The following FRMPD1 variants were observed in gnomAD, a reference collection of about 807,000 sequenced individuals.
FRMPD1 encodes FERM and PDZ domain-containing protein 1.
In FRMPD1, 76 loss-of-function variants were observed where a neutral mutation model predicts 117.8. The ratio of observed to expected loss-of-function variants is 0.65; its 90% confidence interval spans 0.54 to 0.78. The LOEUF (loss-of-function observed/expected upper bound fraction) is 0.78, where lower values mean the gene tolerates loss of function less well. Among genes scored for constraint, FRMPD1 ranks in the 30% least tolerant of loss-of-function variants. FRMPD1 has a pLI of 0.00. For synonymous variants in FRMPD1, 783 were observed against 770.4 expected (o/e 1.02, Z -0.27); for missense variants, 1,786 against 1,964.5 (o/e 0.91, Z 1.72).
Position 37,740,616 on chromosome 9 carries a change from C to T in FRMPD1, c.2088C>T (p.Pro696=), listed in dbSNP as rs767897267. ...APELSTVRLD[P]RLYEGSHADY... ...AACTGAGCACAGTCAGGCTGGACCCCAGGCTGTATGAAGGCAGCCACGCTG... is the reference window on the plus strand; with the variant it reads ...AACTGAGCACAGTCAGGCTGGACCCTAGGCTGTATGAAGGCAGCCACGCTG... The change falls in exon 15 of 16, where the codon CCC becomes CCT. Residue 696 remains proline (P), a synonymous_variant. Coordinates refer to ENST00000377765, the MANE Select transcript of FRMPD1 (RefSeq NM_014907.3). The surrounding 1 kb of genome is among the most constrained non-coding windows in gnomAD (Gnocchi z 4.2). 1 of 1,614,178 alleles carries T rather than the reference C, an allele frequency of 6.2e-7. No individual in the cohort carries two copies. The highest frequency in any genetic ancestry group is 1.7e-5 in the Admixed American group (1 of 60,028).
chr9:37,665,796 G>A (rs958498046), intron 1 of FRMPD1, among the ~76,000 whole-genome samples: 6 of 152,136 alleles, frequency 3.9e-5, no homozygotes, highest in African/African-American at 1.4e-4. Context: ...ACGTTGGGGT[G>A]GTCAGAAACC....
chr9:37,678,329 C>T lies in FRMPD1; in HGVS notation c.-4-14309C>T, dbSNP rs530292008. Among the ~76,000 whole-genome samples, 21 of 138,542 alleles carry T rather than the reference C, an allele frequency of 1.5e-4. No individual in the cohort carries two copies. In the South Asian group the frequency reaches 3.8e-3, roughly 25 times the overall value. 90.9% of individuals were successfully genotyped at this position (138,542 alleles called of 152,430 possible). On this transcript the variant is annotated intron_variant, in intron 1 of 15. Coordinates refer to ENST00000377765, the MANE Select transcript of FRMPD1 (RefSeq NM_014907.3). ...AGGCTGGAGTGCAGTGGTGCAATCT[C>T]GGCTCACTGCAACCTCCACCTCCCA...
chr9:37,696,051 C>CTTTTTTTTTTT (rs61521469), intron 2 of FRMPD1, among the ~76,000 whole-genome samples: 15 of 78,098 alleles, frequency 1.9e-4, no homozygotes, highest in East Asian at 3.4e-4. Context: ...CATTGTTTTG[C>CTTTTTTTTTTT]TTTTTTTTTT....
the FRMPD1 span, chr9:37,636,639 G>A: frequency 7.5e-7 from 1 of 1,336,826 alleles, no homozygotes; most frequent in East Asian, 2.4e-5. Flanking sequence ...CCCCTCCAGG[G>A]ACATCATTTG....
chr9:37,612,379 C>T, the FRMPD1 span, among the ~76,000 whole-genome samples: 1 of 152,038 alleles, frequency 6.6e-6, no homozygotes. Flanking sequence ...GACGGAGTCT[C>T]GATCTATTGC....
At chr9:37,707,162 G>T in intron 2 of FRMPD1, among the ~76,000 whole-genome samples, 1 of 152,266 alleles carries the variant, frequency 6.6e-6, no homozygotes, top group Middle Eastern at 3.4e-3. Flanking sequence ...CCCCTTCTCT[G>T]TGTGTCCATA....
At position 37,746,313 on chromosome 9, in the gene FRMPD1, G is replaced by A; in HGVS notation, c.4281G>A (p.Glu1427=). The part of the protein sequence containing the change: ...STPEGFIQLM[E]SLLELQDILE... ...CTGAGGGCTTCATCCAACTCATGGA[G>A]AGCTTGCTGGAGCTACAAGACATTT... Residue 1427 remains glutamate (E), a synonymous_variant, in exon 16 of 16, where the codon GAG becomes GAA. Transcript: ENST00000377765. 1 of 1,612,774 alleles carries A rather than the reference G, an allele frequency of 6.2e-7. No homozygotes were observed. Among genetic ancestry groups the A allele is most frequent in the Non-Finnish European group, 8.5e-7 (1 of 1,179,788 alleles).
At chr9:37,743,901 A>C (rs1419643716) in intron 15 of FRMPD1, among the ~76,000 whole-genome samples, 1 of 144,428 alleles carries the variant, frequency 6.9e-6, no homozygotes. Context: ...TCTCAAAAAA[A>C]AAGAAAAAAA....
At chr9:37,702,214 T>C (rs1332072980) in intron 2 of FRMPD1, among the ~76,000 whole-genome samples, 1 of 152,210 alleles carries the variant, frequency 6.6e-6, no homozygotes, top group Non-Finnish European at 1.5e-5. Context: ...CTAATTATAT[T>C]AGAGGTACAA....
intron 2 of FRMPD1, among the ~76,000 whole-genome samples, chr9:37,701,510 CGT>C (rs58458625): frequency 0.25 from 37,143 of 146,580 alleles, 4,998 homozygotes; most frequent in East Asian, 0.39. Context: ...TGTGCATGTA[CGT>C]GTGTGTGTGT....
At chr9:37,635,625 A>AG in the FRMPD1 span, among the ~76,000 whole-genome samples, 1 of 152,334 alleles carries the variant, frequency 6.6e-6, no homozygotes, top group East Asian at 1.9e-4. Flanking sequence ...GCTGGAGGGC[A>AG]GGGCACAGGT....
chr9:37,696,656 A>G (rs1822335210), intron 2 of FRMPD1, among the ~76,000 whole-genome samples: 1 of 152,274 alleles, frequency 6.6e-6, no homozygotes, highest in South Asian at 2.1e-4. Context: ...GCATTTGAAT[A>G]CTAACATTAG....
the FRMPD1 span, among the ~76,000 whole-genome samples, chr9:37,605,824 C>T: frequency 6.6e-6 from 1 of 151,988 alleles, no homozygotes; most frequent in African/African-American, 2.4e-5. Context: ...AAGGGATCCT[C>T]CCACCTCAGC....
At chr9:37,730,899 C>T (rs1298684320) in intron 8 of FRMPD1, 85 bp from the exon 9 acceptor site, 5 of 1,355,724 alleles carry the variant, frequency 3.7e-6, no homozygotes, top group Admixed American at 1.7e-5. Context: ...CTTTCACTGT[C>T]TGTGTTTTAT....
chr9:37,607,443 A>C, the FRMPD1 span, among the ~76,000 whole-genome samples: 1 of 151,656 alleles, frequency 6.6e-6, no homozygotes, highest in African/African-American at 2.4e-5. Context: ...TTTAAGGAAA[A>C]AAAACAAGGA....
In FRMPD1 at chr9:37,713,199, A is replaced by G. The variant is rs527330833; in HGVS notation, c.408+1804A>G. Among the ~76,000 whole-genome samples the G allele has an allele frequency of 1.0e-3, 156 of 152,362 alleles. 1 individual carries two copies. Among genetic ancestry groups the G allele is most frequent in the African/African-American group, 3.6e-3 (151 of 41,586 alleles). ...AAAAAGGATAATGAGGATGGCCTTG[A>G]TAGGCAGGTTTAAAAACGAACAAAG... On this transcript the variant is annotated intron_variant, in intron 5 of 15. Transcript: ENST00000377765.
At chr9:37,718,731 T>C (rs913516259) in intron 5 of FRMPD1, among the ~76,000 whole-genome samples, 1 of 152,202 alleles carries the variant, frequency 6.6e-6, no homozygotes, top group Non-Finnish European at 1.5e-5. Flanking sequence ...TCATAAGAAT[T>C]TGAGTTTGAG....
intron 1 of FRMPD1, among the ~76,000 whole-genome samples, chr9:37,652,440 G>T (rs1268082073): frequency 6.6e-6 from 1 of 152,194 alleles, no homozygotes; most frequent in Non-Finnish European, 1.5e-5. Context: ...CCCTTGTGCT[G>T]CAATTAGTGG....
At position 37,692,723 on chromosome 9, in the gene FRMPD1, T is replaced by G. The variant is rs1438875459; in HGVS notation, c.82T>G (p.Ser28Ala). ...AATGGTGGCAAGATGGCTTCGGCGC[T>G]CCCGGGACAGCTCGGCCCGGTAAGC... ...EQMVARWLRRSRDSSARAKVA... is the reference protein window; with the variant it reads ...EQMVARWLRRARDSSARAKVA... Residue 28 changes from serine (S) to alanine (A), a missense_variant, in exon 2 of 16, where the codon TCC (serine) becomes GCC (alanine). By Grantham distance (99) the Ser-to-Ala change is moderately conservative. Transcript: ENST00000377765. The G allele has an allele frequency of 6.2e-7, 1 of 1,613,458 alleles. No individual in the cohort carries two copies. Among genetic ancestry groups the G allele is most frequent in the African/African-American group, 1.3e-5 (1 of 74,884 alleles).
Sources: allele counts gnomAD v4.1 joint callset (sites outside exome capture counted in the v4.1 genomes callset), GRCh38; gene constraint gnomAD v4.1.1; non-coding constraint Gnocchi (gnomAD v3.1); transcripts MANE v1.5; gene names NCBI Gene and HGNC (gene_info 2026-07-23, HGNC 2026-07-21).